KCNMA1: variants seen among roughly 807,000 people sequenced by gnomAD.
KCNMA1 encodes the protein Calcium-activated potassium channel subunit alpha-1.
KCNMA1 carries 29 observed loss-of-function variants against 140.0 expected under a neutral mutation model. That is an observed-to-expected ratio of 0.21 (90% CI 0.15 to 0.28). The LOEUF is 0.28. Ranked by LOEUF, KCNMA1 falls within the 10% of genes least tolerant of loss-of-function variation. The pLI, the probability that KCNMA1 is intolerant of heterozygous loss-of-function variation, is 1.00. For synonymous variants in KCNMA1, 612 were observed against 611.9 expected (o/e 1.00, Z 0.00); for missense variants, 880 against 1,602.2 (o/e 0.55, Z 7.70).
chr10:77,396,350 AGT>A (rs2096056703), intron 2 of KCNMA1, among the ~76,000 whole-genome samples: 3 of 152,100 alleles, frequency 2.0e-5, no homozygotes, highest in Non-Finnish European at 4.4e-5. Flanking sequence ...GAGAGAGAGA[AGT>A]GTGTGTGAAT....
At chr10:76,981,839 C>A (rs997765520) in intron 19 of KCNMA1, among the ~76,000 whole-genome samples, 1 of 152,156 alleles carries the variant, frequency 6.6e-6, no homozygotes, top group African/African-American at 2.4e-5. Flanking sequence ...TTATAAGCTC[C>A]TCTGTTGGAG....
chr10:77,148,636 A>AT (rs2098359240), intron 5 of KCNMA1, among the ~76,000 whole-genome samples: 1 of 152,124 alleles, frequency 6.6e-6, no homozygotes, highest in Non-Finnish European at 1.5e-5. Context: ...GGGGTTGCCA[A>AT]TTTTTTTCTG....
chr10:77,404,273 CTATTTTATTT>C (rs1186526596), intron 1 of KCNMA1, among the ~76,000 whole-genome samples: 2 of 151,828 alleles, frequency 1.3e-5, no homozygotes, highest in Admixed American at 6.6e-5. Context: ...TTATTCTATT[CTATTTTATTT>C]TATTTTATTT....
At chr10:77,172,332 G>A (rs530046737) in intron 5 of KCNMA1, among the ~76,000 whole-genome samples, 1 of 152,092 alleles carries the variant, frequency 6.6e-6, no homozygotes, top group African/African-American at 2.4e-5. Flanking sequence ...TTTTAGGATG[G>A]TATTTCCAAT....
intron 25 of KCNMA1, among the ~76,000 whole-genome samples, chr10:76,907,796 C>A (rs907628822): frequency 1.3e-5 from 2 of 152,148 alleles, no homozygotes; most frequent in African/African-American, 4.8e-5. Context: ...CCACCTCGGC[C>A]TTCTAAAGTG....
chr10:77,497,058 G>C, intron 1 of KCNMA1, among the ~76,000 whole-genome samples: 1 of 152,202 alleles, frequency 6.6e-6, no homozygotes, highest in South Asian at 2.1e-4. Context: ...CCTCTGCAGA[G>C]GTCTGTGCAT....
intron 1 of KCNMA1, among the ~76,000 whole-genome samples, chr10:77,605,090 A>T (rs577601006): frequency 6.6e-6 from 1 of 152,384 alleles, no homozygotes; most frequent in African/African-American, 2.4e-5. Context: ...AGAACAAAGC[A>T]GCCAGCTGCC....
chr10:77,032,303 C>G (rs1234308661), intron 15 of KCNMA1, among the ~76,000 whole-genome samples: 1 of 152,170 alleles, frequency 6.6e-6, no homozygotes, highest in Non-Finnish European at 1.5e-5. Context: ...GAAGAATGAG[C>G]ATTAGCCATC....
chr10:77,032,540 G>C (rs901029406), intron 15 of KCNMA1, among the ~76,000 whole-genome samples: 1 of 152,010 alleles, frequency 6.6e-6, no homozygotes, highest in Non-Finnish European at 1.5e-5. Flanking sequence ...AGTTGTTGCT[G>C]GTTGCAAAAA....
chr10:76,950,234 A>G (rs1237748857), intron 21 of KCNMA1, among the ~76,000 whole-genome samples: 1 of 152,180 alleles, frequency 6.6e-6, no homozygotes, highest in Non-Finnish European at 1.5e-5. Context: ...ACCCCTGTCC[A>G]ATGCTGCCTT....
intron 1 of KCNMA1, among the ~76,000 whole-genome samples, chr10:77,554,123 C>A (rs141983620): frequency 6.6e-6 from 1 of 152,128 alleles, no homozygotes; most frequent in Non-Finnish European, 1.5e-5. Context: ...GAGTAAATCT[C>A]TTGGTAACAA....
chr10:77,440,266 C>T (rs754392531), intron 1 of KCNMA1, among the ~76,000 whole-genome samples: 6 of 152,140 alleles, frequency 3.9e-5, no homozygotes, highest in Admixed American at 6.5e-5. Flanking sequence ...CTGGTCTAAG[C>T]GCTTTGCACG....
intron 6 of KCNMA1, among the ~76,000 whole-genome samples, chr10:77,114,178 C>T (rs1218261002): frequency 6.6e-6 from 1 of 152,164 alleles, no homozygotes; most frequent in Non-Finnish European, 1.5e-5. Context: ...AACCTTATAC[C>T]TAATAGCTTT....
At chr10:77,050,287 TAAAAAAAC>T (rs1292068899) in intron 14 of KCNMA1, among the ~76,000 whole-genome samples, 43 of 143,064 alleles carry the variant, frequency 3.0e-4, no homozygotes, top group Non-Finnish European at 5.1e-4. Flanking sequence ...AAAAAAAAAA[TAAAAAAAC>T]AAAAAAACAA....
intron 2 of KCNMA1, among the ~76,000 whole-genome samples, chr10:77,336,489 G>A (rs1447618027): frequency 1.3e-5 from 2 of 152,024 alleles, no homozygotes; most frequent in Non-Finnish European, 2.9e-5. Context: ...ATCTGGCAAT[G>A]TTGGAAGAGA....
At chr10:76,931,147 A>T (rs2152693013) in intron 23 of KCNMA1, among the ~76,000 whole-genome samples, 1 of 152,312 alleles carries the variant, frequency 6.6e-6, no homozygotes, top group African/African-American at 2.4e-5. Context: ...AAGTGTCCTC[A>T]TGACACACAC....
chr10:77,339,044 T>C (rs1446065780), intron 2 of KCNMA1, among the ~76,000 whole-genome samples: 1 of 152,154 alleles, frequency 6.6e-6, no homozygotes, highest in South Asian at 2.1e-4. Context: ...AAAAACAACC[T>C]TTATGTATAA....
chr10:77,145,308 G>A (rs188046848), intron 5 of KCNMA1, among the ~76,000 whole-genome samples: 48 of 152,262 alleles, frequency 3.2e-4, no homozygotes, highest in Non-Finnish European at 5.6e-4. Context: ...AGATAAATCT[G>A]TTCATCACAA....
chr10:77,333,165 T>C (rs961921485), intron 2 of KCNMA1, among the ~76,000 whole-genome samples: 6 of 152,122 alleles, frequency 3.9e-5, no homozygotes, highest in African/African-American at 1.4e-4. Context: ...GAGCAGGATG[T>C]GAGTCCTATA....
Sources: allele counts gnomAD v4.1 joint callset (sites outside exome capture counted in the v4.1 genomes callset), GRCh38; gene constraint gnomAD v4.1.1; transcripts MANE v1.5; gene names NCBI Gene and HGNC (gene_info 2026-07-23, HGNC 2026-07-21).